Variants in SNAP91 observed in about 807,000 individuals in gnomAD.
The protein encoded by SNAP91 is clathrin coat assembly protein AP180.
Under a neutral mutation model 100.3 loss-of-function variants are expected in SNAP91, and 27 were observed. The ratio of observed to expected loss-of-function variants is 0.27; its 90% CI spans 0.20 to 0.37. SNAP91 has a LOEUF of 0.37. Among genes scored for constraint, SNAP91 ranks in the 10% least tolerant of loss-of-function variants. The pLI is 1.00. For synonymous variants in SNAP91, 404 were observed against 398.6 expected (o/e 1.01, Z -0.16); for missense variants, 986 against 1,123.7 (o/e 0.88, Z 1.75).
At chr6:83,708,770 C>T (rs2129098054) in intron 1 of SNAP91, 75 bp downstream of exon 1, 1 of 152,382 alleles carries the variant, frequency 6.6e-6, no homozygotes, top group Middle Eastern at 3.4e-3. Context: ...TTCTCCGCAC[C>T]CTGGGATTAT....
chr6:83,666,530 A>G (rs544826767), intron 2 of SNAP91, among the ~76,000 whole-genome samples: 36 of 152,244 alleles, frequency 2.4e-4, no homozygotes, highest in African/African-American at 8.7e-4. Flanking sequence ...TGCAACAAAC[A>G]TGCACATGTA....
chr6:83,643,206 T>G (rs1165230757), intron 7 of SNAP91, among the ~76,000 whole-genome samples: 1 of 152,232 alleles, frequency 6.6e-6, no homozygotes, highest in African/African-American at 2.4e-5. Flanking sequence ...AGATCCCATT[T>G]GTCAATTTTG....
intron 8 of SNAP91, among the ~76,000 whole-genome samples, chr6:83,635,972 CT>C (rs1347600125): frequency 6.6e-6 from 1 of 152,140 alleles, no homozygotes; most frequent in African/African-American, 2.4e-5. Flanking sequence ...GGAAATTCTT[CT>C]CTTTAAGAAT....
intron 2 of SNAP91, among the ~76,000 whole-genome samples, chr6:83,687,361 T>C (rs925067982): frequency 2.6e-5 from 4 of 152,244 alleles, no homozygotes; most frequent in Non-Finnish European, 1.5e-5. Flanking sequence ...ATGGGCCATA[T>C]GTTTGTGATG....
chr6:83,690,408 A>G, intron 2 of SNAP91: 1 of 1,288,764 alleles, frequency 7.8e-7, no homozygotes, highest in Non-Finnish European at 1.0e-6. Context: ...CAAAATTAGG[A>G]AGCACTTGTT....
intron 28 of SNAP91, among the ~76,000 whole-genome samples, chr6:83,557,824 T>C (rs1781072290): frequency 1.3e-5 from 2 of 152,022 alleles, no homozygotes; most frequent in Non-Finnish European, 2.9e-5. Flanking sequence ...GAGATGACAA[T>C]ATCATGATAC....
At chr6:83,692,909 T>C (rs1159218224) in intron 2 of SNAP91, among the ~76,000 whole-genome samples, 1 of 152,168 alleles carries the variant, frequency 6.6e-6, no homozygotes, top group East Asian at 1.9e-4. Flanking sequence ...CCATTTTTCC[T>C]TCCCAAAACA....
chr6:83,591,050 T>TTA (rs1351554034), intron 22 of SNAP91, among the ~76,000 whole-genome samples, 161 bp downstream of exon 22: 1 of 152,176 alleles, frequency 6.6e-6, no homozygotes, highest in Non-Finnish European at 1.5e-5. Context: ...ATAAGCATAG[T>TTA]ACCCAACAGT....
At chr6:83,684,561 G>A (rs891070967) in intron 2 of SNAP91, among the ~76,000 whole-genome samples, 1 of 151,924 alleles carries the variant, frequency 6.6e-6, no homozygotes, top group African/African-American at 2.4e-5. Context: ...GTCACACTCT[G>A]TATACACCTT....
chr6:83,592,166 A>C (rs1405029485), intron 21 of SNAP91, among the ~76,000 whole-genome samples: 2 of 152,222 alleles, frequency 1.3e-5, no homozygotes, highest in Admixed American at 1.3e-4. Context: ...CAGTTGAAGG[A>C]AATTCCAGTC....
At chr6:83,572,226 CT>C (rs1809286472) in intron 26 of SNAP91, among the ~76,000 whole-genome samples, 1 of 152,130 alleles carries the variant, frequency 6.6e-6, no homozygotes, top group Non-Finnish European at 1.5e-5. Context: ...CCTTTCTACC[CT>C]AACTCAGGCT....
At chr6:83,591,060 T>C (rs1562242643) in intron 22 of SNAP91, 151 bp downstream of exon 22, 3 of 594,314 alleles carry the variant, frequency 5.0e-6, no homozygotes, top group Admixed American at 2.8e-5. Context: ...TACCCAACAG[T>C]CAGTTTTTCA....
chr6:83,593,070 G>T, intron 19 of SNAP91, 53 bp from the exon 20 acceptor site: 1 of 1,537,596 alleles, frequency 6.5e-7, no homozygotes, highest in Non-Finnish European at 8.8e-7. Context: ...GTAGAAAGCT[G>T]AAATCAAAGT....
upstream of SNAP91, chr6:83,709,329 G>A (rs974667591): frequency 1.3e-5 from 2 of 152,346 alleles, no homozygotes; most frequent in African/African-American, 4.8e-5. Context: ...CACCCACCCA[G>A]CCAGCGGCTC....
chr6:83,683,157 C>T (rs1340026307), intron 2 of SNAP91, among the ~76,000 whole-genome samples: 3 of 152,064 alleles, frequency 2.0e-5, no homozygotes, highest in African/African-American at 7.2e-5. Flanking sequence ...TTTTTCTTAT[C>T]TCTGTCTTTC....
intron 9 of SNAP91, among the ~76,000 whole-genome samples, chr6:83,622,317 T>A (rs1455400856): frequency 6.6e-6 from 1 of 152,076 alleles, no homozygotes; most frequent in East Asian, 1.9e-4. Flanking sequence ...TTTCTTTGAG[T>A]TTCCCTAATT....
chr6:83,605,659 T>C (rs1202453840), intron 14 of SNAP91, 26 bp downstream of exon 14: 1 of 1,550,454 alleles, frequency 6.4e-7, no homozygotes, highest in East Asian at 2.4e-5. Flanking sequence ...AATAGAGAAA[T>C]GGCAAGGTTG....
At chr6:83,632,226 G>A (rs1227325345) in intron 8 of SNAP91, among the ~76,000 whole-genome samples, 1 of 151,722 alleles carries the variant, frequency 6.6e-6, no homozygotes, top group East Asian at 1.9e-4. Flanking sequence ...TGCTGCTAAT[G>A]TATAATTTAA....
Position 83,665,425 on chromosome 6 carries a change from T to C in SNAP91, c.273+14A>G. 6.2e-7 allele frequency: 1 copy of C among 1,605,712 alleles called. No individual in the cohort carries two copies. Among genetic ancestry groups the C allele is most frequent in the African/African-American group, 1.3e-5 (1 of 74,406 alleles). Reference sequence around the variant, plus strand: ...CCTTCCTCCATCAAAAAAAGAAAAGTTTACTTAGTTTACCTCATTTCCATG... The same window carrying C: ...CCTTCCTCCATCAAAAAAAGAAAAGCTTACTTAGTTTACCTCATTTCCATG... On this transcript the variant is annotated intron_variant, in intron 3 of 29. Coordinates refer to ENST00000369694, the MANE Select transcript of SNAP91 (RefSeq NM_001242792.2).
Sources: gnomAD v4.1 joint callset for allele counts (sites outside exome capture counted in the v4.1 genomes callset) on GRCh38, gnomAD v4.1.1 for gene constraint, MANE v1.5 for transcripts, NCBI Gene and HGNC (gene_info 2026-07-23, HGNC 2026-07-21) for gene names.